The following NRG3 variants were observed in gnomAD, a reference collection of about 807,000 sequenced individuals.
NRG3 encodes neuregulin 3.
In NRG3, 31 loss-of-function variants were observed where a neutral mutation model predicts 66.9. That is an observed-to-expected ratio of 0.46 (90% CI 0.35 to 0.63). NRG3 has a LOEUF of 0.63. Among genes scored for constraint, NRG3 ranks in the 20% least tolerant of loss-of-function variants. The probability of loss-of-function intolerance (pLI) is 0.00; values close to 1 mark genes in which losing one functional copy is unlikely to be tolerated. For missense variants in NRG3, 910 were observed against 878.9 expected, an observed-to-expected ratio of 1.04 and a Z score of -0.45; for synonymous variants, 393 against 359.4, an observed-to-expected ratio of 1.09 and a Z score of -1.06.
chr10:82,670,663 C>G (rs543099667), intron 2 of NRG3, among the ~76,000 whole-genome samples: 2 of 152,146 alleles, frequency 1.3e-5, no homozygotes, highest in East Asian at 3.9e-4. Context: ...TCAGGACTCA[C>G]AAAACAGGTA....
At chr10:81,908,599 G>A (rs73319144) in intron 1 of NRG3, among the ~76,000 whole-genome samples, 2,868 of 152,234 alleles carry the variant, frequency 0.019, 77 homozygotes, top group African/African-American at 0.063. Context: ...TGATTACGGG[G>A]TTCAAATGAT....
chr10:82,451,168 G>T (rs193031976), intron 2 of NRG3, among the ~76,000 whole-genome samples: 1 of 152,090 alleles, frequency 6.6e-6, no homozygotes, highest in Non-Finnish European at 1.5e-5. Context: ...AGAGGAAGAT[G>T]AAATTATTTT....
At chr10:82,946,430 T>G (rs1187833366) in intron 4 of NRG3, among the ~76,000 whole-genome samples, 1 of 151,682 alleles carries the variant, frequency 6.6e-6, no homozygotes, top group Non-Finnish European at 1.5e-5. Context: ...TCCCAGCTGC[T>G]CGGGAGGCTG....
Position 82,197,599 on chromosome 10 carries a change from A to T in NRG3, c.824-161140A>T, listed in dbSNP as rs148325522. On this transcript the variant is annotated intron_variant, in intron 1 of 8. Coordinates refer to ENST00000372141, the MANE Select transcript of NRG3 (RefSeq NM_001010848.4). ...TTTCCTATAAATCCATGCTTTGGAAAATGACCTGTCTTTGTTTTCCCTAAA... is the reference window on the plus strand; with the variant it reads ...TTTCCTATAAATCCATGCTTTGGAATATGACCTGTCTTTGTTTTCCCTAAA... Among the ~76,000 whole-genome samples, 3 of 152,272 alleles carry T rather than the reference A, an allele frequency of 2.0e-5. No homozygotes were observed. In the East Asian group the frequency reaches 5.8e-4, roughly 29 times the overall value.
intron 1 of NRG3, among the ~76,000 whole-genome samples, chr10:82,333,391 C>T (rs1469185333): frequency 6.6e-6 from 1 of 152,152 alleles, no homozygotes; most frequent in Non-Finnish European, 1.5e-5. Flanking sequence ...AAGTACACAG[C>T]TGAATTGACT....
chr10:82,933,813 G>A (rs1564642960), intron 4 of NRG3, among the ~76,000 whole-genome samples: 2 of 152,016 alleles, frequency 1.3e-5, no homozygotes, highest in Non-Finnish European at 2.9e-5. Flanking sequence ...TTTTAGCATG[G>A]CATATGATCG....
intron 1 of NRG3, among the ~76,000 whole-genome samples, chr10:82,065,229 A>C (rs755086017): frequency 1.3e-5 from 2 of 152,174 alleles, no homozygotes; most frequent in Non-Finnish European, 2.9e-5. Flanking sequence ...TCCATCTATT[A>C]ATAGCAAGCA....
chr10:82,816,492 T>G (rs2061709462), intron 3 of NRG3, among the ~76,000 whole-genome samples: 1 of 152,222 alleles, frequency 6.6e-6, no homozygotes, highest in South Asian at 2.1e-4. Flanking sequence ...TCCAGGGTTT[T>G]CCTGGGCTTC....
At chr10:81,878,350 A>G (rs1841871950) in intron 1 of NRG3, among the ~76,000 whole-genome samples, 1 of 152,244 alleles carries the variant, frequency 6.6e-6, no homozygotes, top group South Asian at 2.1e-4. Flanking sequence ...TGCAAAATCC[A>G]GCTGAAATTG....
chr10:82,219,760 T>G (rs898089105), intron 1 of NRG3, among the ~76,000 whole-genome samples: 7 of 152,140 alleles, frequency 4.6e-5, no homozygotes, highest in Non-Finnish European at 7.4e-5. Flanking sequence ...GTCTTATTAT[T>G]CGTAGGTACA....
intron 1 of NRG3, among the ~76,000 whole-genome samples, chr10:82,118,359 T>C (rs2132329878): frequency 6.6e-6 from 1 of 152,190 alleles, no homozygotes; most frequent in South Asian, 2.1e-4. Context: ...AGAAAAGTGA[T>C]TTTTGTATAA....
rs1024040639 is a variant in NRG3 at position 82,521,701 on chromosome 10, T to C, written c.953+162833T>C. 3.3e-5 allele frequency among the ~76,000 whole-genome samples: 5 copies of C among 152,302 alleles called. No individual in the cohort carries two copies. In the South Asian group the frequency reaches 6.2e-4, roughly 19 times the overall value. ...CTACATTGACTGACTCCTCCTTTCG[T>C]GAAAGATTTCTCTGTAGCATGTGAC... On this transcript the variant is annotated intron_variant, in intron 2 of 8. Transcript: ENST00000372141.
At chr10:82,921,519 G>A (rs1846420062) in intron 4 of NRG3, among the ~76,000 whole-genome samples, 2 of 152,244 alleles carry the variant, frequency 1.3e-5, no homozygotes, top group Admixed American at 6.5e-5. Flanking sequence ...ATGTTGATAG[G>A]TGAAACTTGG....
chr10:82,117,601 C>G (rs1436304040), intron 1 of NRG3, among the ~76,000 whole-genome samples: 3 of 151,952 alleles, frequency 2.0e-5, no homozygotes, highest in Non-Finnish European at 4.4e-5. Flanking sequence ...TTCTGCCAGC[C>G]AAGGAGAAGG....
intron 1 of NRG3, among the ~76,000 whole-genome samples, chr10:82,291,106 C>T (rs1391351562): frequency 6.6e-6 from 1 of 151,658 alleles, no homozygotes; most frequent in Non-Finnish European, 1.5e-5. Context: ...ATATGTGGAT[C>T]CTAGAGGTAA....
At chr10:82,799,090 C>T (rs1023736876) in intron 3 of NRG3, among the ~76,000 whole-genome samples, 7 of 152,196 alleles carry the variant, frequency 4.6e-5, no homozygotes, top group African/African-American at 1.4e-4. Flanking sequence ...TTATTGAGTA[C>T]CTGCTATATG....
intron 5 of NRG3, among the ~76,000 whole-genome samples, chr10:82,952,258 C>A (rs549231918): frequency 2.6e-5 from 4 of 151,960 alleles, no homozygotes; most frequent in Admixed American, 2.0e-4. Flanking sequence ...TATGGTGAAA[C>A]CCCATCTCTA....
intron 1 of NRG3, among the ~76,000 whole-genome samples, chr10:82,168,536 A>G (rs2072291579): frequency 6.6e-6 from 1 of 152,156 alleles, no homozygotes; most frequent in Non-Finnish European, 1.5e-5. Flanking sequence ...TTTTCTCACA[A>G]TGTTACAACC....
intron 1 of NRG3, among the ~76,000 whole-genome samples, chr10:82,065,654 T>C (rs1213701349): frequency 6.6e-6 from 1 of 152,068 alleles, no homozygotes; most frequent in Non-Finnish European, 1.5e-5. Context: ...TAAAGAAAAA[T>C]GTTTTTAATA....
Sources: gnomAD v4.1 joint callset for allele counts (sites outside exome capture counted in the v4.1 genomes callset) on GRCh38, gnomAD v4.1.1 for gene constraint, MANE v1.5 for transcripts, NCBI Gene and HGNC (gene_info 2026-07-23, HGNC 2026-07-21) for gene names.